Variants in SNAP47 observed in about 807,000 individuals in gnomAD.
SNAP47 encodes the protein synaptosome associated protein 47.
Under a neutral mutation model 31.4 loss-of-function variants are expected in SNAP47, and 20 were observed. The observed-to-expected ratio is 0.64, with a 90% CI of 0.45 to 0.93. SNAP47 has a LOEUF of 0.93. SNAP47 is among the 40% of genes least tolerant of loss of function. The pLI is 0.00. For missense variants in SNAP47, 492 were observed against 528.5 expected (o/e 0.93, Z 0.68); for synonymous variants, 194 against 213.4 (o/e 0.91, Z 0.79).
chr1:227,759,177 C>T lies in SNAP47; in HGVS notation c.680C>T (p.Pro227Leu), dbSNP rs765107254. The T allele has an allele frequency of 7.4e-6, 12 of 1,614,032 alleles. No homozygotes were observed. The highest frequency in any genetic ancestry group is 6.7e-5 in the East Asian group (3 of 44,896). The change falls in exon 3 of 5, where the codon CCA becomes CTA. Residue 227 changes from proline to leucine, a missense_variant. Transcript: ENST00000617596. ...ISHRTESHVK[P>L]GRLTVLVSGL... is the part of the protein sequence containing the mutation. ...CACAGAACAGAGTCTCACGTTAAACCAGGGAGGCTCACCGTCCTTGTGTCT... is the reference window on the plus strand; with the variant it reads ...CACAGAACAGAGTCTCACGTTAAACTAGGGAGGCTCACCGTCCTTGTGTCT...
At chr1:227,774,920 C>T (rs1363719782) in intron 4 of SNAP47, among the ~76,000 whole-genome samples, 1 of 152,228 alleles carries the variant, frequency 6.6e-6, no homozygotes, top group African/African-American at 2.4e-5. Flanking sequence ...CAGGACAATC[C>T]AGTCCAGGCC....
chr1:227,754,453 G>C (rs11580623), intron 2 of SNAP47, among the ~76,000 whole-genome samples: 8 of 152,138 alleles, frequency 5.3e-5, no homozygotes, highest in Non-Finnish European at 1.0e-4. Context: ...CTGTCCATCC[G>C]TAAGGGTGGA....
chr1:227,758,162 C>T (rs1032291764), intron 2 of SNAP47, among the ~76,000 whole-genome samples: 1 of 152,164 alleles, frequency 6.6e-6, no homozygotes, highest in Non-Finnish European at 1.5e-5. Flanking sequence ...ATGGCATCTG[C>T]TGTGACATTG....
upstream of SNAP47, chr1:227,733,001 G>C: frequency 1.9e-6 from 3 of 1,613,524 alleles, no homozygotes; most frequent in Non-Finnish European, 2.5e-6. Context: ...CATTGACCCA[G>C]TTGTGGTTGA....
At chr1:227,767,168 A>G in intron 4 of SNAP47, 85 bp downstream of exon 4, 1 of 1,556,770 alleles carries the variant, frequency 6.4e-7, no homozygotes, top group Non-Finnish European at 8.7e-7. Flanking sequence ...GATCACAAAC[A>G]AGCTCTGGGT....
intron 3 of SNAP47, among the ~76,000 whole-genome samples, chr1:227,765,973 T>G (rs1186455172): frequency 2.6e-5 from 4 of 152,062 alleles, no homozygotes; most frequent in Non-Finnish European, 5.9e-5. Flanking sequence ...TCAAGATCAT[T>G]TAGGGAGTGA....
rs939207879 is a variant in SNAP47, at chr1:227,751,764, T to G, written c.497+3531T>G. Among the ~76,000 whole-genome samples the G allele has an allele frequency of 6.3e-3, 752 of 118,604 alleles. 18 individuals carry two copies. Among genetic ancestry groups the G allele is most frequent in the African/African-American group, 0.025 (710 of 28,342 alleles). The allele number at this position is 118,604 out of a possible 152,430, so 77.8% of individuals were successfully genotyped here. On this transcript the variant is annotated intron_variant, in intron 2 of 4. Coordinates refer to ENST00000617596, the MANE Select transcript of SNAP47 (RefSeq NM_053052.4). ...ACTTGGTTTTTTTTTTTTTTTTTTT[T>G]TTTTTTTTTTTTTTTTTGAGACGGA...
At chr1:227,733,455 C>A (rs1432140841), upstream of SNAP47, 2 of 1,588,214 alleles carry the variant, frequency 1.3e-6, no homozygotes, top group Non-Finnish European at 8.6e-7. Flanking sequence ...GGCACAAACA[C>A]CATCTCGCCC....
chr1:227,755,360 G>A (rs554060009), intron 2 of SNAP47, among the ~76,000 whole-genome samples: 1 of 152,034 alleles, frequency 6.6e-6, no homozygotes, highest in South Asian at 2.1e-4. Context: ...GCATTACCAT[G>A]TCTGGCTAGT....
At chr1:227,745,670 G>C (rs1179468683) in intron 1 of SNAP47, 1 of 152,236 alleles carries the variant, frequency 6.6e-6, no homozygotes, top group African/African-American at 2.4e-5. Context: ...CTGGGTCCCA[G>C]GTGGATGCTA....
chr1:227,773,327 A>G (rs1413839986), intron 4 of SNAP47, among the ~76,000 whole-genome samples: 2 of 152,126 alleles, frequency 1.3e-5, no homozygotes, highest in Non-Finnish European at 2.9e-5. Flanking sequence ...AACAGCATAT[A>G]GGATAAGAAT....
chr1:227,767,507 CTGTGTA>C (rs1026689908), intron 4 of SNAP47, among the ~76,000 whole-genome samples: 4 of 151,972 alleles, frequency 2.6e-5, no homozygotes, highest in Admixed American at 1.3e-4. Flanking sequence ...TGTACTTGTA[CTGTGTA>C]TGTGCATGTG....
At chr1:227,731,109 G>A (rs1192956977), upstream of SNAP47, 1 of 152,314 alleles carries the variant, frequency 6.6e-6, no homozygotes, top group African/African-American at 2.4e-5. Context: ...TAGGAGGCCG[G>A]ATGTCTCAGG....
At chr1:227,759,980 T>G (rs1363390230) in intron 3 of SNAP47, among the ~76,000 whole-genome samples, 4 of 152,206 alleles carry the variant, frequency 2.6e-5, no homozygotes, top group Non-Finnish European at 5.9e-5. Flanking sequence ...TCTTTGCCTG[T>G]GTCCGCTTCC....
At chr1:227,773,900 A>T (rs1042608133) in intron 4 of SNAP47, among the ~76,000 whole-genome samples, 1 of 152,258 alleles carries the variant, frequency 6.6e-6, no homozygotes. Context: ...TAGGCAGCAC[A>T]TGACTATTTT....
intron 2 of SNAP47, among the ~76,000 whole-genome samples, chr1:227,749,931 G>A (rs78724977): frequency 0.014 from 2,204 of 152,282 alleles, 59 homozygotes; most frequent in African/African-American, 0.05. Context: ...GTTGTTTCTC[G>A]TTTTGTGATT....
At chr1:227,737,975 G>A (rs1056652049) in intron 1 of SNAP47, among the ~76,000 whole-genome samples, 1 of 152,042 alleles carries the variant, frequency 6.6e-6, no homozygotes, top group Non-Finnish European at 1.5e-5. Flanking sequence ...CTCCAGTTCC[G>A]TCCAGAGATG....
chr1:227,772,324 A>G (rs1572049548), intron 4 of SNAP47, among the ~76,000 whole-genome samples: 1 of 151,924 alleles, frequency 6.6e-6, no homozygotes, highest in Admixed American at 6.6e-5. Context: ...TGAGACACGA[A>G]CCCACGTTTC....
intron 1 of SNAP47, 52 bp from the exon 2 acceptor site, chr1:227,747,640 G>A: frequency 1.3e-6 from 2 of 1,524,432 alleles, no homozygotes; most frequent in Non-Finnish European, 1.8e-6. Context: ...GGGGTTGCTT[G>A]TGTCTCCAGT....
Sources: allele counts gnomAD v4.1 joint callset (sites outside exome capture counted in the v4.1 genomes callset), GRCh38; gene constraint gnomAD v4.1.1; transcripts MANE v1.5; gene names NCBI Gene and HGNC (gene_info 2026-07-23, HGNC 2026-07-21).